Variants in EFCAB11 observed in about 807,000 individuals in gnomAD.
EFCAB11 encodes the protein EF-hand calcium binding domain 11, also known as EF-hand calcium-binding domain-containing protein 11.
Under a neutral mutation model 23.0 loss-of-function variants are expected in EFCAB11, and 14 were observed. The ratio of observed to expected loss-of-function variants is 0.61; its 90% CI spans 0.40 to 0.95. The LOEUF (loss-of-function observed/expected upper bound fraction) is 0.95. Among genes scored for constraint, EFCAB11 ranks in the 40% least tolerant of loss-of-function variants. EFCAB11 has a pLI of 0.00. For synonymous variants in EFCAB11, 65 were observed against 66.6 expected (o/e 0.98, Z 0.11); for missense variants, 198 against 195.8 (o/e 1.01, Z -0.07).
chr14:89,847,744 A>T (rs1432028353), intron 5 of EFCAB11, among the ~76,000 whole-genome samples: 1 of 126,744 alleles, frequency 7.9e-6, no homozygotes, highest in African/African-American at 2.9e-5. Flanking sequence ...TGTCTCACAA[A>T]AAAAAAAAAA....
Position 89,953,912 on chromosome 14 carries a change from G to A in EFCAB11, c.165C>T (p.Pro55=). 6.2e-7 allele frequency: 1 copy of A among 1,613,108 alleles called. No homozygotes were observed. The highest frequency in any genetic ancestry group is 8.5e-7 in the Non-Finnish European group (1 of 1,179,766). The change falls in exon 2 of 6, where the codon CCC becomes CCT. Residue 55 remains proline, a synonymous_variant. Transcript: ENST00000316738. Reference sequence around the variant, plus strand: ...ATATATAAGAAAGCTCTACCTTGGAGGGCTTGTACCCAAACAGCATTACAA... The same window carrying A: ...ATATATAAGAAAGCTCTACCTTGGAAGGCTTGTACCCAAACAGCATTACAA... ...TAVVMLFGYK[P]SKIEVDSVMS... is the part of the protein sequence containing the mutation.
intron 5 of EFCAB11, among the ~76,000 whole-genome samples, chr14:89,833,677 T>C (rs1482685635): frequency 6.6e-6 from 1 of 152,228 alleles, no homozygotes; most frequent in East Asian, 1.9e-4. Context: ...GGGAAAAGGC[T>C]ATAATGTTTA....
intron 5 of EFCAB11, among the ~76,000 whole-genome samples, chr14:89,850,469 A>G (rs1342701009): frequency 6.6e-6 from 1 of 152,214 alleles, no homozygotes; most frequent in African/African-American, 2.4e-5. Flanking sequence ...CTGAGGATGG[A>G]GCCCAGGAGG....
intron 5 of EFCAB11, among the ~76,000 whole-genome samples, chr14:89,802,665 T>C (rs1318163578): frequency 6.6e-6 from 1 of 152,206 alleles, no homozygotes; most frequent in Non-Finnish European, 1.5e-5. Context: ...AGTGCTGGGA[T>C]TATAGGCGTG....
At chr14:89,830,352 C>A (rs1004421380) in intron 5 of EFCAB11, 2 of 152,166 alleles carry the variant, frequency 1.3e-5, no homozygotes, top group Non-Finnish European at 2.9e-5. Context: ...TTTCAATGAA[C>A]AAACACGAAC....
At chr14:89,798,257 A>G (rs1885641543) in intron 5 of EFCAB11, among the ~76,000 whole-genome samples, 1 of 152,236 alleles carries the variant, frequency 6.6e-6, no homozygotes. Context: ...ATAATTTTTC[A>G]TTCTTTTGAA....
chr14:89,882,085 T>G (rs984984092), intron 5 of EFCAB11, among the ~76,000 whole-genome samples: 1 of 152,218 alleles, frequency 6.6e-6, no homozygotes, highest in African/African-American at 2.4e-5. Flanking sequence ...TTCAAACACC[T>G]TTTTTCTACT....
chr14:89,937,672 T>C (rs920256242), intron 3 of EFCAB11, among the ~76,000 whole-genome samples: 3 of 152,048 alleles, frequency 2.0e-5, no homozygotes, highest in Admixed American at 6.5e-5. Flanking sequence ...ATTACAGGTG[T>C]GTGCCATCAC....
chr14:89,954,358 T>C, intron 1 of EFCAB11: 1 of 1,536,032 alleles, frequency 6.5e-7, no homozygotes, highest in South Asian at 1.2e-5. Context: ...AGGTTACCAT[T>C]AATAGACTAT....
chr14:89,905,380 G>A (rs184196395), intron 5 of EFCAB11, among the ~76,000 whole-genome samples: 1 of 152,258 alleles, frequency 6.6e-6, no homozygotes, highest in Admixed American at 6.5e-5. Context: ...CACTAAGAGA[G>A]AGACAGATCA....
chr14:89,818,404 T>C (rs56003696), intron 5 of EFCAB11, among the ~76,000 whole-genome samples: 8,800 of 148,588 alleles, frequency 0.059, 324 homozygotes, highest in East Asian at 0.18. Flanking sequence ...AACAAGTAAG[T>C]AGAACTACAA....
In EFCAB11 at chr14:89,904,079, C is replaced by T. The variant is rs1241785498; in HGVS notation, c.410+27462G>A. ...TGCCATGTTGGTTTGCTGCACCCATCAACTCGTCATTTACATTAGGTATTT... is the reference window on the plus strand; with the variant it reads ...TGCCATGTTGGTTTGCTGCACCCATTAACTCGTCATTTACATTAGGTATTT... On this transcript the variant is annotated intron_variant, in intron 5 of 5. Coordinates refer to ENST00000316738, the MANE Select transcript of EFCAB11 (RefSeq NM_145231.4). 3.3e-5 allele frequency among the ~76,000 whole-genome samples: 5 copies of T among 152,028 alleles called. No individual in the cohort carries two copies. The East Asian group carries it at 7.7e-4, about 24-fold the overall frequency.
chr14:89,822,167 GA>G (rs1159882815), intron 5 of EFCAB11, among the ~76,000 whole-genome samples: 1 of 152,174 alleles, frequency 6.6e-6, no homozygotes, highest in Non-Finnish European at 1.5e-5. Context: ...GACCAGAGAT[GA>G]AAACACTAAC....
intron 3 of EFCAB11, among the ~76,000 whole-genome samples, chr14:89,938,648 G>C (rs886156964): frequency 1.3e-5 from 2 of 152,094 alleles, no homozygotes; most frequent in Non-Finnish European, 2.9e-5. Flanking sequence ...GAGGCCAGGT[G>C]TGATGGCTCA....
intron 5 of EFCAB11, among the ~76,000 whole-genome samples, chr14:89,908,865 G>A (rs534668837): frequency 4.0e-4 from 61 of 152,334 alleles, no homozygotes; most frequent in Non-Finnish European, 7.8e-4. Context: ...GAGCCAACGT[G>A]TGAATGGCAA....
At chr14:89,909,560 G>A (rs532668169) in intron 5 of EFCAB11, among the ~76,000 whole-genome samples, 5 of 152,202 alleles carry the variant, frequency 3.3e-5, no homozygotes, top group African/African-American at 9.6e-5. Flanking sequence ...CAGCCTGGGC[G>A]ACAGGGCAAG....
intron 5 of EFCAB11, among the ~76,000 whole-genome samples, chr14:89,870,688 T>C (rs1219067842): frequency 6.6e-6 from 1 of 151,184 alleles, no homozygotes; most frequent in Non-Finnish European, 1.5e-5. Context: ...TCCCAGCACT[T>C]TGGAAGGCTG....
At chr14:89,875,964 GA>G in intron 5 of EFCAB11, among the ~76,000 whole-genome samples, 1 of 152,324 alleles carries the variant, frequency 6.6e-6, no homozygotes, top group South Asian at 2.1e-4. Flanking sequence ...GATGCCAATG[GA>G]AAAGGGCATC....
intron 5 of EFCAB11, among the ~76,000 whole-genome samples, chr14:89,870,195 T>C (rs1888222173): frequency 6.6e-6 from 1 of 152,232 alleles, no homozygotes; most frequent in South Asian, 2.1e-4. Context: ...AAATTAACTG[T>C]ATCTAGAATT....
Sources: gnomAD v4.1 joint callset for allele counts (sites outside exome capture counted in the v4.1 genomes callset) on GRCh38, gnomAD v4.1.1 for gene constraint, MANE v1.5 for transcripts, NCBI Gene and HGNC (gene_info 2026-07-23, HGNC 2026-07-21) for gene names.